The following HUS1 variants were observed in gnomAD, a reference collection of about 807,000 sequenced individuals.
The protein encoded by HUS1 is checkpoint protein HUS1.
In HUS1, 31 loss-of-function variants were observed where a neutral mutation model predicts 32.6. The observed-to-expected ratio is 0.95, with a 90% CI of 0.72 to 1.28. HUS1 has a LOEUF of 1.28. Ranked by LOEUF, HUS1 falls within the 50% of genes most tolerant of loss-of-function variation. The probability of loss-of-function intolerance (pLI) is 0.00; values close to 1 mark genes in which losing one functional copy is unlikely to be tolerated. For synonymous variants in HUS1, 123 were observed against 116.6 expected (o/e 1.06, Z -0.36); for missense variants, 340 against 337.7 (o/e 1.01, Z -0.05).
Position 47,964,587 on chromosome 7 carries a change from A to G in HUS1, c.*769T>C, listed in dbSNP as rs1788437102. The G allele has an allele frequency of 6.6e-6, 1 of 152,196 alleles. No individual in the cohort carries two copies. Among genetic ancestry groups the G allele is most frequent in the Non-Finnish European group, 1.5e-5 (1 of 68,052 alleles). The allele number at this position is 152,196 out of a possible 1,614,324, so 9.4% of individuals were successfully genotyped here. On this transcript the variant is annotated 3_prime_UTR_variant, in exon 8 of 8. Transcript: ENST00000258774. ...TACCTTAGAAGTTTCGTTTGTTTCT[A>G]CTCTAAATAGAAGGGTCTTCTTTCC... is the stretch of plus-strand genomic sequence containing the variant.
At chr7:47,972,984 A>C (rs914679271) in intron 5 of HUS1, among the ~76,000 whole-genome samples, 2 of 152,174 alleles carry the variant, frequency 1.3e-5, no homozygotes, top group Non-Finnish European at 2.9e-5. Flanking sequence ...AGGTGACTGG[A>C]TCATGGGGGC....
In HUS1 at chr7:47,979,524, G is replaced by A. The variant is rs778232904; in HGVS notation, c.-5C>T. On this transcript the variant is annotated 5_prime_UTR_variant, in exon 1 of 8. Transcript: ENST00000258774. ...GATCTTGGCCCGAAACTTCATGGCCGCGGATGGCGCAGCCGCGGCGGGCCT... is the reference window on the plus strand; with the variant it reads ...GATCTTGGCCCGAAACTTCATGGCCACGGATGGCGCAGCCGCGGCGGGCCT... 1.2e-6 allele frequency: 2 copies of A among 1,607,574 alleles called. No individual in the cohort carries two copies. Among genetic ancestry groups the A allele is most frequent in the South Asian group, 1.1e-5 (1 of 91,026 alleles).
chr7:47,973,302 A>C (rs148994065), intron 5 of HUS1, among the ~76,000 whole-genome samples: 4 of 152,364 alleles, frequency 2.6e-5, no homozygotes, highest in African/African-American at 4.8e-5. Flanking sequence ...GTCTGAAGAC[A>C]GGCAGCATCG....
rs1457350561 is a variant in HUS1, at chr7:47,964,718, C to G, written c.*638G>C. On this transcript the variant is annotated 3_prime_UTR_variant, in exon 8 of 8. Coordinates refer to ENST00000258774, the MANE Select transcript of HUS1 (RefSeq NM_004507.4). ...ACTAGTTGGAATGGCAGAAGGAGCT[C>G]CCAGCTAAGAGCTGTGTTGGCTGGG... 6.6e-6 allele frequency: 1 copy of G among 152,238 alleles called. No homozygotes were observed. The highest frequency in any genetic ancestry group is 2.4e-5 in the African/African-American group (1 of 41,434). The allele number at this position is 152,238 out of a possible 1,614,324, so 9.4% of individuals were successfully genotyped here. A position where few individuals can be genotyped will look rare whatever the true frequency, so the allele number is the denominator to read the frequency against.
chr7:47,977,590 A>C (rs1788731841), intron 3 of HUS1, among the ~76,000 whole-genome samples: 1 of 152,138 alleles, frequency 6.6e-6, no homozygotes, highest in African/African-American at 2.4e-5. Context: ...CAAAGAGTTG[A>C]GAGTTATGAA....
chr7:47,971,358 A>G, intron 5 of HUS1: 2 of 383,378 alleles, frequency 5.2e-6, no homozygotes, highest in Non-Finnish European at 5.3e-6. Flanking sequence ...CGCCCAGGCT[A>G]CCAGACTTCT....
chr7:47,976,720 C>A lies in HUS1; in HGVS notation c.465+10G>T. 6.9e-7 allele frequency: 1 copy of A among 1,455,648 alleles called. No individual in the cohort carries two copies. Among genetic ancestry groups the A allele is most frequent in the Non-Finnish European group, 9.7e-7 (1 of 1,035,636 alleles). 90.2% of individuals were successfully genotyped at this position (1,455,648 alleles called of 1,614,324 possible). Reference sequence around the variant, plus strand: ...GTGGGGTGTACAGCAGGACTGCAGGCATCACCTACATCAGGATCTGGGACC... The same window carrying A: ...GTGGGGTGTACAGCAGGACTGCAGGAATCACCTACATCAGGATCTGGGACC... On this transcript the variant is annotated intron_variant, in intron 4 of 7. Coordinates refer to ENST00000258774, the MANE Select transcript of HUS1 (RefSeq NM_004507.4).
At chr7:47,967,616 C>T (rs1788504862) in intron 7 of HUS1, among the ~76,000 whole-genome samples, 190 bp downstream of exon 7, 1 of 152,030 alleles carries the variant, frequency 6.6e-6, no homozygotes, top group Non-Finnish European at 1.5e-5. Flanking sequence ...TCTCTGCTGC[C>T]ACCTTAGGTA....
intron 5 of HUS1, among the ~76,000 whole-genome samples, chr7:47,974,857 T>A (rs935917118): frequency 6.6e-6 from 1 of 152,168 alleles, no homozygotes; most frequent in African/African-American, 2.4e-5. Flanking sequence ...AAGTGCCCCC[T>A]AGCTTGGTGT....
intron 4 of HUS1, chr7:47,976,439 G>A (rs759298314): frequency 8.2e-6 from 4 of 485,326 alleles, no homozygotes; most frequent in Admixed American, 6.9e-5. Flanking sequence ...ACCCAAATTG[G>A]TGTCTAAGGC....
chr7:47,974,795 T>C (rs1020395141), intron 5 of HUS1, among the ~76,000 whole-genome samples: 2 of 152,178 alleles, frequency 1.3e-5, no homozygotes, highest in Non-Finnish European at 2.9e-5. Context: ...TTTCGAGCCA[T>C]GTGGCCATAG....
rs145160524 is a variant in HUS1, at chr7:47,978,426, G to C, written c.348C>G (p.Ser116=). The C allele has an allele frequency of 2.5e-5, 41 of 1,613,712 alleles. No homozygotes were observed. Among genetic ancestry groups the C allele is most frequent in the Non-Finnish European group, 3.4e-5 (40 of 1,179,734 alleles). The change falls in exon 3 of 8, where the codon TCC becomes TCG. Residue 116 remains serine (S), a synonymous_variant. Transcript: ENST00000258774. ...TGACTCTCCTACTCACCAGCTCCAC[G>C]GAGACCGTGAGGCAGGGAAAGTGTT... ...TNKHFPCLTV[S]VELLSMSSSS...
rs140543692 is a variant in HUS1, at chr7:47,975,979, G to A, written c.466-292C>T. 7.4e-4 allele frequency among the ~76,000 whole-genome samples: 113 copies of A among 152,284 alleles called. 2 individuals are homozygous for A. The highest frequency in any genetic ancestry group is 2.5e-3 in the African/African-American group (105 of 41,544). On this transcript the variant is annotated intron_variant, in intron 4 of 7. Coordinates refer to ENST00000258774, the MANE Select transcript of HUS1 (RefSeq NM_004507.4). ...GCTCAAGAAGGAATAGGGTACTTCAGCTGAGATGCCCCTATATTGGTCCAG... is the reference window on the plus strand; with the variant it reads ...GCTCAAGAAGGAATAGGGTACTTCAACTGAGATGCCCCTATATTGGTCCAG...
At chr7:47,978,100 A>G (rs965992207) in intron 3 of HUS1, among the ~76,000 whole-genome samples, 1 of 124,190 alleles carries the variant, frequency 8.1e-6, no homozygotes, top group Non-Finnish European at 1.7e-5. Context: ...AGTGGGGAGA[A>G]AACATGTCAA....
intron 3 of HUS1, among the ~76,000 whole-genome samples, chr7:47,977,831 T>C (rs1433513341): frequency 1.3e-5 from 2 of 152,010 alleles, no homozygotes; most frequent in South Asian, 2.1e-4. Context: ...GAGATGGAGG[T>C]TGCAGTGAGC....
intron 1 of HUS1, 112 bp from the exon 2 acceptor site, chr7:47,978,928 C>T: frequency 8.9e-7 from 1 of 1,125,192 alleles, no homozygotes; most frequent in Non-Finnish European, 1.3e-6. Flanking sequence ...AAAATAACCA[C>T]TTAACGTTGG....
chr7:47,972,364 T>C (rs1052255711), intron 5 of HUS1, among the ~76,000 whole-genome samples: 1 of 152,218 alleles, frequency 6.6e-6, no homozygotes, highest in African/African-American at 2.4e-5. Flanking sequence ...CCTAAGAATC[T>C]CAGTAACAGA....
intron 5 of HUS1, among the ~76,000 whole-genome samples, chr7:47,972,601 T>C (rs1036543492): frequency 6.6e-6 from 1 of 152,246 alleles, no homozygotes; most frequent in Non-Finnish European, 1.5e-5. Context: ...TAGTCAACTA[T>C]TGTTTATAGA....
chr7:47,971,034 G>A (rs2128765374), intron 5 of HUS1, among the ~76,000 whole-genome samples: 1 of 152,296 alleles, frequency 6.6e-6, no homozygotes, highest in Non-Finnish European at 1.5e-5. Context: ...CAACAGGAAT[G>A]AAGAGGACAG....
Sources: gnomAD v4.1 joint callset for allele counts (sites outside exome capture counted in the v4.1 genomes callset) on GRCh38, gnomAD v4.1.1 for gene constraint, MANE v1.5 for transcripts, NCBI Gene and HGNC (gene_info 2026-07-23, HGNC 2026-07-21) for gene names.